DOT1L: variants seen among roughly 807,000 people sequenced by gnomAD.
DOT1L encodes the protein histone-lysine N-methyltransferase, H3 lysine-79 specific.
In DOT1L, 33 loss-of-function variants were observed where a neutral mutation model predicts 153.3. That is an observed-to-expected ratio of 0.22 (90% confidence interval 0.16 to 0.29). The LOEUF (loss-of-function observed/expected upper bound fraction) is 0.29. Ranked by LOEUF, DOT1L falls within the 10% of genes least tolerant of loss-of-function variation. The pLI, the probability that DOT1L is intolerant of heterozygous loss-of-function variation, is 1.00. For missense variants in DOT1L, 1,847 were observed against 2,119.9 expected (o/e 0.87, Z 2.53); for synonymous variants, 1,135 against 965.1 (o/e 1.18, Z -3.26).
Position 2,190,952 on chromosome 19 carries a change from TGG to T in DOT1L, c.265-59_265-58del. On this transcript the variant is annotated intron_variant, in intron 4 of 27. Transcript: ENST00000398665. This position sits in a 1 kb window ranked among gnomAD's most constrained non-coding sequence, Gnocchi z 4.8. ...CGCTGGGAAAGGTCCCGGGTCTTGGTGGTGGAGGGGCTGGGCCGTGAGGTTTA... is the reference window on the plus strand; with the variant it reads ...CGCTGGGAAAGGTCCCGGGTCTTGGTTGGAGGGGCTGGGCCGTGAGGTTTA... 4 of 1,384,044 alleles carry T rather than the reference TGG, an allele frequency of 2.9e-6. No homozygotes were observed. The highest frequency in any genetic ancestry group is 3.8e-6 in the Non-Finnish European group (4 of 1,044,698). The allele number at this position is 1,384,044 out of a possible 1,614,324, so 85.7% of individuals were successfully genotyped here.
chr19:2,222,284 A>G lies in DOT1L; in HGVS notation c.3115A>G (p.Ser1039Gly), dbSNP rs1005961298. ...CGATTCCGGCTTCTCAGATCCTGAG[A>G]GTGAAGCCAAGAGGAGGATTGTGTT... is the stretch of plus-strand genomic sequence containing the variant. ...PSDSGFSDPESEAKRRIVFTI... is the reference protein window; with the variant it reads ...PSDSGFSDPEGEAKRRIVFTI... Residue 1039 changes from serine (S) to glycine (G), a missense_variant, in exon 24 of 28, where the codon AGT becomes GGT. This residue lies in a region of DOT1L where 934 missense variants were observed against 825.3 expected (regional missense o/e 1.13). Coordinates refer to ENST00000398665, the MANE Select transcript of DOT1L (RefSeq NM_032482.3). This position sits in a 1 kb window ranked among gnomAD's most constrained non-coding sequence, Gnocchi z 6.5. 10 of 1,612,960 alleles carry G rather than the reference A, an allele frequency of 6.2e-6. No homozygotes were observed. In the African/African-American group the frequency reaches 1.1e-4, roughly 17 times the overall value.
chr19:2,199,653 A>G (rs2023163231), intron 7 of DOT1L, among the ~76,000 whole-genome samples: 1 of 152,198 alleles, frequency 6.6e-6, no homozygotes, highest in Non-Finnish European at 1.5e-5. Context: ...ATGCTGGAGC[A>G]CGAGGACCTG....
At position 2,179,926 on chromosome 19, in the gene DOT1L, C is replaced by T. The variant is rs552080629; in HGVS notation, c.82-787C>T. 7.2e-5 allele frequency among the ~76,000 whole-genome samples: 11 copies of T among 152,148 alleles called. No individual in the cohort carries two copies. The South Asian group carries it at 1.5e-3, about 20-fold the overall frequency. ...TCAGCACAGTAGCACGCAGACGCGACGAAAGTGCACGTGTCCTGGTGGCGT... is the reference window on the plus strand; with the variant it reads ...TCAGCACAGTAGCACGCAGACGCGATGAAAGTGCACGTGTCCTGGTGGCGT... On this transcript the variant is annotated intron_variant, in intron 1 of 27. Transcript: ENST00000398665.
intron 19 of DOT1L, among the ~76,000 whole-genome samples, chr19:2,215,162 T>C (rs905790627): frequency 2.0e-5 from 3 of 151,962 alleles, no homozygotes; most frequent in African/African-American, 7.3e-5. Context: ...AAGGGCCATA[T>C]TGAGGCAAAA....
chr19:2,170,922 C>G (rs2021587544), intron 1 of DOT1L, among the ~76,000 whole-genome samples: 1 of 152,128 alleles, frequency 6.6e-6, no homozygotes, highest in African/African-American at 2.4e-5. Flanking sequence ...TGGAACCTGT[C>G]CCCCTCCAAG....
Position 2,193,819 on chromosome 19 carries a change from A to AGG in DOT1L, c.588+39_588+40dup. 6.2e-7 allele frequency: 1 copy of AGG among 1,602,766 alleles called. No homozygotes were observed. The highest frequency in any genetic ancestry group is 8.5e-7 in the Non-Finnish European group (1 of 1,172,842). ...CTGAGGGCCAGGGTGTGTTGGAGGC[A>AGG]GGGGACCATCAGAGAAAGTGACGCC... On this transcript the variant is annotated intron_variant, in intron 6 of 27. Transcript: ENST00000398665. The surrounding 1 kb of genome is among the most constrained non-coding windows in gnomAD (Gnocchi z 5.9).
Position 2,226,889 on chromosome 19 carries a change from C to A in DOT1L, c.4368C>A (p.Ser1456=), listed in dbSNP as rs775541668. ...PAASSAGGAA[S]SAQTHRSFLG... Reference sequence around the variant, plus strand: ...CGTCCTCCGCAGGCGGCGCGGCGTCCTCCGCCCAGACGCACCGGTCCTTCC... The same window carrying A: ...CGTCCTCCGCAGGCGGCGCGGCGTCATCCGCCCAGACGCACCGGTCCTTCC... Residue 1456 remains serine (S), a synonymous_variant, in exon 27 of 28, where the codon TCC becomes TCA. Transcript: ENST00000398665. The A allele has an allele frequency of 1.3e-6, 2 of 1,577,174 alleles. No individual in the cohort carries two copies. Among genetic ancestry groups the A allele is most frequent in the East Asian group, 4.7e-5 (2 of 42,788 alleles).
intron 1 of DOT1L, among the ~76,000 whole-genome samples, chr19:2,166,057 A>G (rs1236645172): frequency 6.6e-6 from 1 of 151,932 alleles, no homozygotes; most frequent in African/African-American, 2.4e-5. Flanking sequence ...GGTGTGAGCC[A>G]CCGCGCCCGG....
At chr19:2,202,210 C>T (rs1010399020) in intron 8 of DOT1L, among the ~76,000 whole-genome samples, 1 of 152,208 alleles carries the variant, frequency 6.6e-6, no homozygotes, top group Admixed American at 6.5e-5. Context: ...TCTGGTTCCC[C>T]TGTCCTTGCC....
At position 2,217,610 on chromosome 19, in the gene DOT1L, C is replaced by T. The variant is rs939111768; in HGVS notation, c.2545-162C>T. ...CCGTCCCTCTGGAGTGTCCCAAAGCCGGTGTCCAGGAGGGCCTGACTGCGT... is the reference window on the plus strand; with the variant it reads ...CCGTCCCTCTGGAGTGTCCCAAAGCTGGTGTCCAGGAGGGCCTGACTGCGT... On this transcript the variant is annotated intron_variant, in intron 21 of 27. Coordinates refer to ENST00000398665, the MANE Select transcript of DOT1L (RefSeq NM_032482.3). This position sits in a 1 kb window ranked among gnomAD's most constrained non-coding sequence, Gnocchi z 7.3. 1.3e-5 allele frequency among the ~76,000 whole-genome samples: 2 copies of T among 152,140 alleles called. No individual in the cohort carries two copies. The highest frequency in any genetic ancestry group is 6.5e-5 in the Admixed American group (1 of 15,276).
At chr19:2,164,703 G>T (rs1201745095) in intron 1 of DOT1L, among the ~76,000 whole-genome samples, 1 of 151,156 alleles carries the variant, frequency 6.6e-6, no homozygotes. Flanking sequence ...TTGGGCGTTT[G>T]TCACGCTTTT....
At position 2,231,262 on chromosome 19, in the gene DOT1L, A is replaced by G. The variant is rs564000033; in HGVS notation, c.*1470A>G. On this transcript the variant is annotated 3_prime_UTR_variant, in exon 28 of 28. Coordinates refer to ENST00000398665, the MANE Select transcript of DOT1L (RefSeq NM_032482.3). Reference sequence around the variant, plus strand: ...ACCTTCTCAAGTGCTTGCTCCTGTGAGATGGCATCGGGGAGCCCCTTCCCC... The same window carrying G: ...ACCTTCTCAAGTGCTTGCTCCTGTGGGATGGCATCGGGGAGCCCCTTCCCC... 46 of 226,128 alleles carry G rather than the reference A, an allele frequency of 2.0e-4. No individual in the cohort carries two copies. Among genetic ancestry groups the G allele is most frequent in the African/African-American group, 8.9e-4 (40 of 45,032 alleles). 14.0% of individuals were successfully genotyped at this position (226,128 alleles called of 1,614,324 possible).
intron 1 of DOT1L, among the ~76,000 whole-genome samples, chr19:2,177,585 G>A (rs1405413924): frequency 6.6e-6 from 1 of 152,042 alleles, no homozygotes; most frequent in Non-Finnish European, 1.5e-5. Flanking sequence ...GGCTGGCCTC[G>A]AATTCCTGAC....
chr19:2,188,480 G>GCCCCCCCCCCCCCCCC lies in DOT1L; in HGVS notation c.201-1238_201-1237insCCCCCCCCCCCCCCCC, dbSNP rs375314788. On this transcript the variant is annotated intron_variant, in intron 3 of 27. Transcript: ENST00000398665. Reference sequence around the variant, plus strand: ...GCGGAGGAAAGAGTCCCCAGCCGCCGCCCCCCCCCCCCCCACCCGCACAGG... The same window carrying GCCCCCCCCCCCCCCCC: ...GCGGAGGAAAGAGTCCCCAGCCGCCGCCCCCCCCCCCCCCCCCCCCCCCCCCCCCCACCCGCACAGG... Among the ~76,000 whole-genome samples the GCCCCCCCCCCCCCCCC allele has an allele frequency of 4.3e-4, 29 of 66,998 alleles. 5 individuals are homozygous for GCCCCCCCCCCCCCCCC. The highest frequency in any genetic ancestry group is 1.0e-3 in the East Asian group (3 of 2,932). The allele number at this position is 66,998 out of a possible 152,430, so 44.0% of individuals were successfully genotyped here.
chr19:2,220,576 A>C lies in DOT1L; in HGVS notation c.2806+354A>C. 5 of 464,984 alleles carry C rather than the reference A, an allele frequency of 1.1e-5. No individual in the cohort carries two copies. Among genetic ancestry groups the C allele is most frequent in the Non-Finnish European group, 1.7e-5 (4 of 232,092 alleles). The allele number at this position is 464,984 out of a possible 1,614,324, so 28.8% of individuals were successfully genotyped here. On this transcript the variant is annotated intron_variant, in intron 23 of 27. Coordinates refer to ENST00000398665, the MANE Select transcript of DOT1L (RefSeq NM_032482.3). The surrounding 1 kb of genome is among the most constrained non-coding windows in gnomAD (Gnocchi z 4.5). ...TCGGCTCCACACACAGCAGTGCCCA[A>C]TGGCACACGACCGTGGGCCTCCGTG...
At chr19:2,170,393 G>T (rs2021548962) in intron 1 of DOT1L, among the ~76,000 whole-genome samples, 1 of 152,298 alleles carries the variant, frequency 6.6e-6, no homozygotes, top group Non-Finnish European at 1.5e-5. Flanking sequence ...GCTTGGAGCT[G>T]TTTTTATCTT....
At chr19:2,174,600 C>T (rs1423634483) in intron 1 of DOT1L, among the ~76,000 whole-genome samples, 3 of 152,138 alleles carry the variant, frequency 2.0e-5, no homozygotes, top group Admixed American at 6.6e-5. Flanking sequence ...GCAGGAGAAT[C>T]GCAAAAGCTA....
At chr19:2,170,869 G>C (rs12983357) in intron 1 of DOT1L, among the ~76,000 whole-genome samples, 42,659 of 151,898 alleles carry the variant, frequency 0.28, 7,392 homozygotes, top group Non-Finnish European at 0.4. Context: ...GGAGTCTCCC[G>C]GAACGTGTGT....
intron 7 of DOT1L, among the ~76,000 whole-genome samples, chr19:2,195,387 C>T (rs981328518): frequency 2.0e-5 from 3 of 152,144 alleles, no homozygotes; most frequent in African/African-American, 7.2e-5. Flanking sequence ...GCTGCTCAGG[C>T]GCTCACCTGT....
Sources: allele counts gnomAD v4.1 joint callset (sites outside exome capture counted in the v4.1 genomes callset), GRCh38; gene constraint gnomAD v4.1.1; regional missense constraint gnomAD v4.1.1; non-coding constraint Gnocchi (gnomAD v3.1); transcripts MANE v1.5; gene names NCBI Gene and HGNC (gene_info 2026-07-23, HGNC 2026-07-21).